The following MAP1S variants were observed in gnomAD, a reference collection of about 807,000 sequenced individuals.
MAP1S encodes microtubule associated protein 1S.
A neutral mutation model predicts 60.9 loss-of-function variants in MAP1S; 27 were observed. The ratio of observed to expected loss-of-function variants is 0.44; its 90% CI spans 0.33 to 0.61. The LOEUF is 0.61. Among genes scored for constraint, MAP1S ranks in the 20% least tolerant of loss-of-function variants. MAP1S has a pLI of 0.03. For missense variants in MAP1S, 1,608 were observed against 1,486.6 expected (o/e 1.08, Z -1.34); for synonymous variants, 826 against 694.2 (o/e 1.19, Z -2.98).
rs554296571 is a variant in MAP1S, at chr19:17,733,333, G to A, written c.2929G>A (p.Val977Ile). ...FFQRVRALCY[V>I]ISGQDQRKEE... ...CCAGCGCGTGCGCGCGCTCTGCTACGTCATCAGTGGCCAGGACCAGCGCAA... is the reference window on the plus strand; with the variant it reads ...CCAGCGCGTGCGCGCGCTCTGCTACATCATCAGTGGCCAGGACCAGCGCAA... Residue 977 changes from valine to isoleucine, a missense_variant, in exon 6 of 7, where the codon GTC (valine) becomes ATC (isoleucine). Physicochemically the swap from Val to Ile is conservative, Grantham distance 29 (BLOSUM62 3). Around this residue, in one of 4 missense-constraint regions of MAP1S, gnomAD observed 1,167 missense variants for 961.4 expected, o/e 1.21. Transcript: ENST00000324096. 62 of 1,609,102 alleles carry A rather than the reference G, an allele frequency of 3.9e-5. No homozygotes were observed. The highest frequency in any genetic ancestry group is 9.3e-5 in the African/African-American group (7 of 74,984).
At chr19:17,732,522 C>A (rs147350451) in intron 5 of MAP1S, among the ~76,000 whole-genome samples, 3 of 152,182 alleles carry the variant, frequency 2.0e-5, no homozygotes, top group Admixed American at 6.5e-5. Context: ...CTGTCTCATC[C>A]GCATCCAGCA....
chr19:17,720,378 T>A (rs950689628), intron 1 of MAP1S: 1 of 1,534,118 alleles, frequency 6.5e-7, no homozygotes, highest in East Asian at 2.4e-5. Flanking sequence ...CTTTGGGCAG[T>A]GGACACAGGG....
chr19:17,725,158 A>T lies in MAP1S; in HGVS notation c.413A>T (p.His138Leu). The change falls in exon 4 of 7, where the codon CAC becomes CTC. Residue 138 changes from histidine (H) to leucine (L), a missense_variant. His to Leu is a moderately conservative substitution (Grantham distance 99, BLOSUM62 -3). This residue lies in a region of MAP1S where 320 missense variants were observed against 393.1 expected (regional missense o/e 0.81). Transcript: ENST00000324096. The surrounding 1 kb of genome is among the most constrained non-coding windows in gnomAD (Gnocchi z 4.2). ...LLLQTGGFSP[H>L]HFLQVLKDRE... ...CTACAGACAGGGGGCTTCTCGCCTC[A>T]CCACTTCCTCCAGGTCCTGAAGGAC... is the stretch of plus-strand genomic sequence containing the variant. 1.9e-6 allele frequency: 3 copies of T among 1,613,902 alleles called. No homozygotes were observed. Among genetic ancestry groups the T allele is most frequent in the Non-Finnish European group, 2.5e-6 (3 of 1,179,910 alleles).
At position 17,725,924 on chromosome 19, in the gene MAP1S, C is replaced by T. The variant is rs764561585; in HGVS notation, c.540C>T (p.Pro180=). The T allele has an allele frequency of 4.2e-5, 68 of 1,613,628 alleles. No individual in the cohort carries two copies. Among genetic ancestry groups the T allele is most frequent in the South Asian group, 3.4e-4 (31 of 91,060 alleles). The change falls in exon 5 of 7, where the codon CCC becomes CCT. Residue 180 remains proline, a synonymous_variant. Transcript: ENST00000324096. This position sits in a 1 kb window ranked among gnomAD's most constrained non-coding sequence, Gnocchi z 4.2. ...PTFGDWAQLA[P]AVPGLQGALR... The stretch of plus-strand genomic sequence containing the variant: ...TCGGTGACTGGGCTCAGCTGGCACC[C>T]GCTGTGCCTGGCCTTCAGGGGGCGC...
intron 5 of MAP1S, among the ~76,000 whole-genome samples, chr19:17,729,630 C>T (rs971380370): frequency 3.3e-5 from 5 of 152,000 alleles, no homozygotes; most frequent in African/African-American, 9.7e-5. Flanking sequence ...CTCAACCTCC[C>T]GAACAGGTGG....
chr19:17,725,322 G>T lies in MAP1S; in HGVS notation c.444+133G>T. 1.9e-6 allele frequency: 2 copies of T among 1,077,690 alleles called. No individual in the cohort carries two copies. The highest frequency in any genetic ancestry group is 2.6e-6 in the Non-Finnish European group (2 of 761,696). The allele number at this position is 1,077,690 out of a possible 1,614,324, so 66.8% of individuals were successfully genotyped here. A position where few individuals can be genotyped will look rare whatever the true frequency, so the allele number is the denominator to read the frequency against. On this transcript the variant is annotated intron_variant, in intron 4 of 6. Transcript: ENST00000324096. This position sits in a 1 kb window ranked among gnomAD's most constrained non-coding sequence, Gnocchi z 4.2. ...CCATCCTCTGTAGGATGGCAGTGGT[G>T]ACACATGCCTCCTGGCTGTCTGGGG...
rs1368801948 is a variant in MAP1S at position 17,725,502 on chromosome 19, CA to C, written c.444+314del. ...GGCAAAATGGCAAACCTCACTTTCA[CA>C]TTGTAGTGGGGCACTTAAAAATGGT... On this transcript the variant is annotated intron_variant, in intron 4 of 6. Transcript: ENST00000324096. This position sits in a 1 kb window ranked among gnomAD's most constrained non-coding sequence, Gnocchi z 4.2. 6.6e-6 allele frequency among the ~76,000 whole-genome samples: 1 copy of C among 152,206 alleles called. No homozygotes were observed. Among genetic ancestry groups the C allele is most frequent in the Non-Finnish European group, 1.5e-5 (1 of 68,038 alleles).
In MAP1S at chr19:17,726,773, C is replaced by G. The variant is rs755352323; in HGVS notation, c.1389C>G (p.Asp463Glu). 1.9e-5 allele frequency: 30 copies of G among 1,553,928 alleles called. No homozygotes were observed. In the Admixed American group the frequency reaches 5.1e-4, roughly 26 times the overall value. Residue 463 changes from aspartate (D) to glutamate (E), a missense_variant, in exon 5 of 7, where the codon GAC becomes GAG. By Grantham distance (45) the Asp-to-Glu change is conservative. This residue lies in a region of MAP1S where 1,167 missense variants were observed against 961.4 expected (regional missense o/e 1.21). Transcript: ENST00000324096. ...GAGAGCCCGTGGTGACGCCCCAGGA[C>G]CTGGAGGGGCCGGGGCGAGCCGAGA... ...FLREPVVTPQ[D>E]LEGPGRAESK...
At chr19:17,720,721 C>T in intron 1 of MAP1S, 2 of 619,738 alleles carry the variant, frequency 3.2e-6, no homozygotes, top group South Asian at 1.9e-5. Context: ...GGCTTTGTTG[C>T]TGATGAATCT....
rs150761669 is a variant in MAP1S, at chr19:17,727,933, C to G, written c.2549C>G (p.Pro850Arg). The G allele has an allele frequency of 6.2e-6, 10 of 1,609,634 alleles. No homozygotes were observed. Among genetic ancestry groups the G allele is most frequent in the African/African-American group, 4.0e-5 (3 of 74,856 alleles). Reference protein sequence around the residue: ...ICMVDPEMLPPKTARQTENVS... With the variant: ...ICMVDPEMLPRKTARQTENVS... Reference sequence around the variant, plus strand: ...ATGGTGGACCCCGAGATGCTGCCCCCCAAGACAGCACGGCAAACGGAGAAC... The same window carrying G: ...ATGGTGGACCCCGAGATGCTGCCCCGCAAGACAGCACGGCAAACGGAGAAC... The change falls in exon 5 of 7, where the codon CCC becomes CGC. Residue 850 changes from proline to arginine, a missense_variant. This residue lies in a region of MAP1S where 1,167 missense variants were observed against 961.4 expected (regional missense o/e 1.21). Transcript: ENST00000324096. The surrounding 1 kb of genome is among the most constrained non-coding windows in gnomAD (Gnocchi z 4.1).
Position 17,727,236 on chromosome 19 carries a change from G to A in MAP1S, c.1852G>A (p.Ala618Thr), listed in dbSNP as rs749383826. Residue 618 changes from alanine to threonine, a missense_variant, in exon 5 of 7, where the codon GCC becomes ACC. This residue lies in a region of MAP1S where 1,167 missense variants were observed against 961.4 expected (regional missense o/e 1.21). Transcript: ENST00000324096. The surrounding 1 kb of genome is among the most constrained non-coding windows in gnomAD (Gnocchi z 4.1). Reference sequence around the variant, plus strand: ...CAGCCTGGAGCTGGGGCCGATCCCAGCCGGGGAGGAGAAGGCACTGGAGCT... The same window carrying A: ...CAGCCTGGAGCTGGGGCCGATCCCAACCGGGGAGGAGAAGGCACTGGAGCT... Reference protein sequence around the residue: ...TPSLELGPIPAGEEKALELPL... With the variant: ...TPSLELGPIPTGEEKALELPL... 3.8e-6 allele frequency: 6 copies of A among 1,567,132 alleles called. No homozygotes were observed. The highest frequency in any genetic ancestry group is 5.2e-6 in the Non-Finnish European group (6 of 1,161,410).
intron 2 of MAP1S, 59 bp downstream of exon 2, chr19:17,721,096 C>G: frequency 1.5e-6 from 2 of 1,375,684 alleles, no homozygotes; most frequent in Non-Finnish European, 1.0e-6. Context: ...AAGTGCCAGC[C>G]GTGTGCCAGG....
chr19:17,727,826 G>A lies in MAP1S; in HGVS notation c.2442G>A (p.Glu814=), dbSNP rs994334975. The part of the protein sequence containing the change: ...PGAADSDEDT[E]GFGVPRHDPL... ...CGGCAGACTCAGACGAAGACACAGAGGGCTTTGGAGTCCCTCGCCACGACC... is the reference window on the plus strand; with the variant it reads ...CGGCAGACTCAGACGAAGACACAGAAGGCTTTGGAGTCCCTCGCCACGACC... The change falls in exon 5 of 7, where the codon GAG becomes GAA. Residue 814 remains glutamate (E), a synonymous_variant. Coordinates refer to ENST00000324096, the MANE Select transcript of MAP1S (RefSeq NM_018174.6). The surrounding 1 kb of genome is among the most constrained non-coding windows in gnomAD (Gnocchi z 4.1). 1.9e-6 allele frequency: 3 copies of A among 1,613,342 alleles called. No homozygotes were observed. The highest frequency in any genetic ancestry group is 3.3e-5 in the Admixed American group (2 of 59,988).
Position 17,726,868 on chromosome 19 carries a change from G to T in MAP1S, c.1484G>T (p.Gly495Val). The stretch of plus-strand genomic sequence containing the variant: ...CTCCTGGCCACCCACCCTAGACCTG[G>T]CCAGGAGCGCCCTGGGGTGGCCCGC... ...EGLLATHPRP[G>V]QERPGVARKE... is the part of the protein sequence containing the mutation. Residue 495 changes from glycine (G) to valine (V), a missense_variant, in exon 5 of 7, where the codon GGC (glycine) becomes GTC (valine). Transcript: ENST00000324096. 5.1e-6 allele frequency: 8 copies of T among 1,554,984 alleles called. No individual in the cohort carries two copies. The highest frequency in any genetic ancestry group is 7.0e-6 in the Non-Finnish European group (8 of 1,149,732).
rs137875481 is a variant in MAP1S at position 17,727,689 on chromosome 19, C to T, written c.2305C>T (p.Arg769Trp). 54 of 1,609,146 alleles carry T rather than the reference C, an allele frequency of 3.4e-5. No homozygotes were observed. In the African/African-American group the frequency reaches 5.1e-4, roughly 15 times the overall value. ...SPGSSNDSSA[R>W]SQERAGGLGA... ...CGGCAGCTCGAATGACAGCAGTGCC[C>T]GGTCACAGGAACGGGCAGGTGGGCT... Residue 769 changes from arginine to tryptophan, a missense_variant, in exon 5 of 7, where the codon CGG becomes TGG. Physicochemically the swap from Arg to Trp is moderately radical, Grantham distance 101. Coordinates refer to ENST00000324096, the MANE Select transcript of MAP1S (RefSeq NM_018174.6). This position sits in a 1 kb window ranked among gnomAD's most constrained non-coding sequence, Gnocchi z 4.1.
intron 6 of MAP1S, among the ~76,000 whole-genome samples, chr19:17,733,645 G>A (rs1401767396): frequency 2.6e-5 from 4 of 152,308 alleles, no homozygotes; most frequent in Middle Eastern, 3.4e-3. Context: ...GGGGGAGGAC[G>A]CAGGGCCTCG....
In MAP1S at chr19:17,733,044, A is replaced by G. The variant is rs113313315; in HGVS notation, c.2789-149A>G. The G allele has an allele frequency of 7.7e-4, 448 of 581,940 alleles. 4 individuals are homozygous for G. The highest frequency in any genetic ancestry group is 7.5e-3 in the African/African-American group (397 of 53,056). 36.0% of individuals were successfully genotyped at this position (581,940 alleles called of 1,614,324 possible). ...TCTTAAAATAAGATTCACTGGAGTC[A>G]TGAGCGCACCAGGCCTCCCCAGAAA... On this transcript the variant is annotated intron_variant, in intron 5 of 6. Transcript: ENST00000324096.
intron 5 of MAP1S, chr19:17,732,872 T>G: frequency 3.2e-6 from 1 of 316,766 alleles, no homozygotes; most frequent in African/African-American, 2.1e-5. Flanking sequence ...GGGTGGCCGG[T>G]GGTGTTTGTA....
At chr19:17,720,253 C>T in intron 1 of MAP1S, 1 of 1,396,970 alleles carries the variant, frequency 7.2e-7, no homozygotes, top group Non-Finnish European at 9.3e-7. Context: ...TGTTCATCCC[C>T]CATCCCTCGG....
Sources: gnomAD v4.1 joint callset for allele counts (sites outside exome capture counted in the v4.1 genomes callset) on GRCh38, gnomAD v4.1.1 for gene constraint, gnomAD v4.1.1 regional missense constraint, Gnocchi (gnomAD v3.1) non-coding constraint, MANE v1.5 for transcripts, NCBI Gene and HGNC (gene_info 2026-07-23, HGNC 2026-07-21) for gene names.